Variants in C4orf54 observed in about 807,000 individuals in gnomAD.
C4orf54 encodes uncharacterized protein C4orf54.
In C4orf54, 67 loss-of-function variants were observed where a neutral mutation model predicts 80.1. The ratio of observed to expected loss-of-function variants is 0.84; its 90% CI spans 0.69 to 1.03. C4orf54 has a LOEUF of 1.03. C4orf54 is among the 50% of genes least tolerant of loss of function. The pLI, the probability that C4orf54 is intolerant of heterozygous loss-of-function variation, is 0.00. For missense variants in C4orf54, 2,434 were observed against 2,253.5 expected (o/e 1.08, Z -1.62); for synonymous variants, 1,000 against 917.0 (o/e 1.09, Z -1.64).
At position 99,638,355 on chromosome 4, in the gene C4orf54, C is replaced by T. The variant is rs967303808; in HGVS notation, c.*2878G>A. The T allele has an allele frequency of 1.3e-5, 2 of 152,024 alleles. No homozygotes were observed. The highest frequency in any genetic ancestry group is 2.9e-5 in the Non-Finnish European group (2 of 67,986). The allele number at this position is 152,024 out of a possible 1,614,324, so 9.4% of individuals were successfully genotyped here. ...ATTTTTATACGGTTACACATGTGTT[C>T]AGTTTTCCAGAAATGATTGAAATGG... On this transcript the variant is annotated 3_prime_UTR_variant, in exon 3 of 3. Transcript: ENST00000511828.
At chr4:99,646,896 A>G (rs185686628) in intron 2 of C4orf54, among the ~76,000 whole-genome samples, 1 of 152,312 alleles carries the variant, frequency 6.6e-6, no homozygotes, top group Admixed American at 6.5e-5. Flanking sequence ...AAAAAAATCC[A>G]TCTGGCTTTT....
chr4:99,650,339 G>T lies in C4orf54; in HGVS notation c.4310C>A (p.Ser1437Tyr). Residue 1437 changes from serine (S) to tyrosine (Y), a missense_variant, in exon 2 of 3, where the codon TCC becomes TAC. Ser to Tyr is a moderately radical substitution (Grantham distance 144, BLOSUM62 -2). Transcript: ENST00000511828. The part of the protein sequence containing the change: ...AKGIKSQGLR[S>Y]LKISPATRAP... Reference sequence around the variant, plus strand: ...CCGGGTGGCTGGAGAGATCTTGAGGGACCGGAGTCCCTGCGACTTGATGCC... The same window carrying T: ...CCGGGTGGCTGGAGAGATCTTGAGGTACCGGAGTCCCTGCGACTTGATGCC... 1 of 1,536,044 alleles carries T rather than the reference G, an allele frequency of 6.5e-7. No homozygotes were observed. The highest frequency in any genetic ancestry group is 1.2e-5 in the South Asian group (1 of 84,034).
chr4:99,650,014 G>C lies in C4orf54; in HGVS notation c.4635C>G (p.Ala1545=), dbSNP rs985399768. 6.5e-7 allele frequency: 1 copy of C among 1,535,054 alleles called. No individual in the cohort carries two copies. Among genetic ancestry groups the C allele is most frequent in the Non-Finnish European group, 8.7e-7 (1 of 1,146,302 alleles). The change falls in exon 2 of 3, where the codon GCC becomes GCG. Residue 1545 remains alanine (A), a synonymous_variant. Transcript: ENST00000511828. The part of the protein sequence containing the change: ...KPDNPRETVA[A]PPGPQSPEHP... Reference sequence around the variant, plus strand: ...GCTCGGGGCTCTGTGGCCCTGGGGGGGCAGCTACTGTCTCCCGGGGGTTGT... The same window carrying C: ...GCTCGGGGCTCTGTGGCCCTGGGGGCGCAGCTACTGTCTCCCGGGGGTTGT...
intron 2 of C4orf54, among the ~76,000 whole-genome samples, chr4:99,647,572 C>T (rs1011701669): frequency 1.3e-5 from 2 of 152,052 alleles, no homozygotes; most frequent in Admixed American, 1.3e-4. Context: ...TGCAGACTAT[C>T]CCAGAAGAAG....
chr4:99,643,833 C>T (rs1726653169), intron 2 of C4orf54, among the ~76,000 whole-genome samples: 1 of 149,012 alleles, frequency 6.7e-6, no homozygotes, highest in African/African-American at 2.5e-5. Context: ...ATTCTATTTC[C>T]TCTGAATGAA....
chr4:99,651,357 C>A lies in C4orf54; in HGVS notation c.3292G>T (p.Ala1098Ser), dbSNP rs979657453. 3 of 1,536,146 alleles carry A rather than the reference C, an allele frequency of 2.0e-6. No individual in the cohort carries two copies. The highest frequency in any genetic ancestry group is 2.6e-6 in the Non-Finnish European group (3 of 1,146,912). ...CTCACCTGGTGGAGGGGGCCTTGAG[C>A]CTTGGACTTGTCTCTGATGTCTCTC... Reference protein sequence around the residue: ...QVRDIRDKSKAQGPLHQVRDV... With the variant: ...QVRDIRDKSKSQGPLHQVRDV... The change falls in exon 2 of 3, where the codon GCT becomes TCT. Residue 1098 changes from alanine (A) to serine (S), a missense_variant. Coordinates refer to ENST00000511828, the MANE Select transcript of C4orf54 (RefSeq NM_001354435.2).
Position 99,650,382 on chromosome 4 carries a change from T to C in C4orf54, c.4267A>G (p.Ser1423Gly). 6.5e-7 allele frequency: 1 copy of C among 1,535,996 alleles called. No homozygotes were observed. The highest frequency in any genetic ancestry group is 8.7e-7 in the Non-Finnish European group (1 of 1,146,876). ...TTGATGCCCTTAGCTGCTGAAGGAC[T>C]CTCCGGAGAAGGCCCTTGTGGGAAC... ...GKFPQGPSPE[S>G]PSAAKGIKSQ... The change falls in exon 2 of 3, where the codon AGT (serine) becomes GGT (glycine). Residue 1423 changes from serine to glycine, a missense_variant. Coordinates refer to ENST00000511828, the MANE Select transcript of C4orf54 (RefSeq NM_001354435.2).
chr4:99,654,185 T>G lies in C4orf54; in HGVS notation c.464A>C (p.Lys155Thr), dbSNP rs1242746706. ...MEAAPPELNSKARQAEVGDGV... is the reference protein window; with the variant it reads ...MEAAPPELNSTARQAEVGDGV... ...GTCCCCCACCTCCGCCTGTCTTGCT[T>G]TCGAATTCAGCTCAGGAGGGGCAGC... Residue 155 changes from lysine (K) to threonine (T), a missense_variant, in exon 2 of 3, where the codon AAA becomes ACA. Transcript: ENST00000511828. 6.5e-7 allele frequency: 1 copy of G among 1,536,128 alleles called. No individual in the cohort carries two copies. The highest frequency in any genetic ancestry group is 2.4e-5 in the East Asian group (1 of 40,914).
chr4:99,642,742 A>T (rs1726627121), intron 2 of C4orf54, among the ~76,000 whole-genome samples: 1 of 152,228 alleles, frequency 6.6e-6, no homozygotes, highest in African/African-American at 2.4e-5. Context: ...ACCCTGTGTC[A>T]CCAGGGAGTT....
intron 2 of C4orf54, among the ~76,000 whole-genome samples, chr4:99,642,157 G>A (rs1413413019): frequency 6.6e-6 from 1 of 152,160 alleles, no homozygotes; most frequent in African/African-American, 2.4e-5. Flanking sequence ...CAAGATGAAA[G>A]GGACCATTGT....
At position 99,651,172 on chromosome 4, in the gene C4orf54, C is replaced by A; in HGVS notation, c.3477G>T (p.Val1159=). Residue 1159 remains valine (V), a synonymous_variant, in exon 2 of 3, where the codon GTG becomes GTT. Coordinates refer to ENST00000511828, the MANE Select transcript of C4orf54 (RefSeq NM_001354435.2). ...GGTCCATGCTGTCTTCCCTCTGGTT[C>A]ACTACAGCCTGGCATGTAATCACCA... ...SPMVITCQAV[V]NQREDSMDRE... is the part of the protein sequence containing the mutation. 1 of 1,536,168 alleles carries A rather than the reference C, an allele frequency of 6.5e-7. No homozygotes were observed. Among genetic ancestry groups the A allele is most frequent in the South Asian group, 1.2e-5 (1 of 84,056 alleles).
rs1438606957 is a variant in C4orf54, at chr4:99,652,167, T to G, written c.2482A>C (p.Lys828Gln). ...TCCATGACTTCTCCCCTCTCCATTT[T>G]GAACTCGTGTTCCCGCTGCATCTTC... ...SKKMQREHEF[K>Q]MERGEVMDTS... is the part of the protein sequence containing the mutation. Residue 828 changes from lysine to glutamine, a missense_variant, in exon 2 of 3, where the codon AAA (lysine) becomes CAA (glutamine). Lys to Gln is a moderately conservative substitution (Grantham distance 53, BLOSUM62 1). Transcript: ENST00000511828. 5.2e-6 allele frequency: 8 copies of G among 1,536,088 alleles called. No homozygotes were observed. In the East Asian group the frequency reaches 1.7e-4, roughly 33 times the overall value.
intron 1 of C4orf54, among the ~76,000 whole-genome samples, chr4:99,656,526 G>A (rs1379596534): frequency 2.0e-5 from 3 of 152,110 alleles, no homozygotes; most frequent in African/African-American, 2.4e-5. Context: ...TGATCCACTC[G>A]TCTCGGCTTC....
rs1424597577 is a variant in C4orf54 at position 99,651,844 on chromosome 4, G to A, written c.2805C>T (p.Ile935=). The A allele has an allele frequency of 1.3e-6, 2 of 1,536,018 alleles. No individual in the cohort carries two copies. The highest frequency in any genetic ancestry group is 1.7e-6 in the Non-Finnish European group (2 of 1,146,922). The change falls in exon 2 of 3, where the codon ATC becomes ATT. Residue 935 remains isoleucine (I), a synonymous_variant. Coordinates refer to ENST00000511828, the MANE Select transcript of C4orf54 (RefSeq NM_001354435.2). ...ACGCACTGTTCTGACTACGGAGGAA[G>A]ATGCCCTTGACGGTCTCTGAGGCAC... ...KKSASETVKG[I]FLRSQNSAFR...
intron 2 of C4orf54, among the ~76,000 whole-genome samples, chr4:99,648,919 A>C (rs1431789126): frequency 1.3e-5 from 2 of 152,048 alleles, no homozygotes; most frequent in African/African-American, 4.8e-5. Flanking sequence ...TGCCCTGACA[A>C]CGTTCACCAC....
rs774386921 is a variant in C4orf54 at position 99,650,751 on chromosome 4, C to T, written c.3898G>A (p.Glu1300Lys). The change falls in exon 2 of 3, where the codon GAA becomes AAA. Residue 1300 changes from glutamate to lysine, a missense_variant. Glu to Lys is a moderately conservative substitution (Grantham distance 56, BLOSUM62 1). Transcript: ENST00000511828. ...TCTCCATCAGCAACCACTACCCCTT[C>T]CCTCTCCTCACTGGCAATGAGCGAC... is the stretch of plus-strand genomic sequence containing the variant. ...VLSLIASEEREGVVVADGDHD... is the reference protein window; with the variant it reads ...VLSLIASEERKGVVVADGDHD... 220 of 1,536,070 alleles carry T rather than the reference C, an allele frequency of 1.4e-4. No individual in the cohort carries two copies. Among genetic ancestry groups the T allele is most frequent in the Non-Finnish European group, 1.9e-4 (216 of 1,146,940 alleles).
intron 2 of C4orf54, among the ~76,000 whole-genome samples, chr4:99,643,790 A>C (rs866062288): frequency 5.0e-4 from 48 of 95,472 alleles, no homozygotes; most frequent in East Asian, 1.8e-3. Context: ...ACACACACAC[A>C]CACCCCCTCC....
Position 99,650,450 on chromosome 4 carries a change from A to G in C4orf54, c.4199T>C (p.Val1400Ala). The G allele has an allele frequency of 6.5e-7, 1 of 1,535,846 alleles. No individual in the cohort carries two copies. Among genetic ancestry groups the G allele is most frequent in the South Asian group, 1.2e-5 (1 of 84,038 alleles). Residue 1400 changes from valine to alanine, a missense_variant, in exon 2 of 3, where the codon GTG becomes GCG. Coordinates refer to ENST00000511828, the MANE Select transcript of C4orf54 (RefSeq NM_001354435.2). ...AGTTTTCTGGATGCTGCTGGCACTCACTGTGAACACGTTCCGGTTGCTGGG... is the reference window on the plus strand; with the variant it reads ...AGTTTTCTGGATGCTGCTGGCACTCGCTGTGAACACGTTCCGGTTGCTGGG... ...PLPSNRNVFT[V>A]SASSIQKTGG...
chr4:99,654,342 C>A lies in C4orf54; in HGVS notation c.307G>T (p.Val103Phe). 1 of 1,358,122 alleles carries A rather than the reference C, an allele frequency of 7.4e-7. No homozygotes were observed. Among genetic ancestry groups the A allele is most frequent in the Non-Finnish European group, 1.0e-6 (1 of 984,926 alleles). 84.1% of individuals were successfully genotyped at this position (1,358,122 alleles called of 1,614,324 possible). Residue 103 changes from valine to phenylalanine, a missense_variant, in exon 2 of 3, where the codon GTC becomes TTC. Coordinates refer to ENST00000511828, the MANE Select transcript of C4orf54 (RefSeq NM_001354435.2). ...CGAAGCAGGGTCCCACGTATCTGGA[C>A]TGGCCCCAAGGCTGTAGGCACTGCT... The part of the protein sequence containing the change: ...VAAVPTALGP[V>F]QIRGTLLRAT...
Sources: gnomAD v4.1 joint callset for allele counts (sites outside exome capture counted in the v4.1 genomes callset) on GRCh38, gnomAD v4.1.1 for gene constraint, MANE v1.5 for transcripts, NCBI Gene and HGNC (gene_info 2026-07-23, HGNC 2026-07-21) for gene names.